The following EFNA5 variants were observed in gnomAD, a reference collection of about 807,000 sequenced individuals.
The protein encoded by EFNA5 is ephrin A5, also known as ephrin-A5.
A neutral mutation model predicts 22.9 loss-of-function variants in EFNA5; 5 were observed. The observed-to-expected ratio is 0.22, with a 90% CI of 0.11 to 0.46. The LOEUF is 0.46. Among genes scored for constraint, EFNA5 ranks in the 20% least tolerant of loss-of-function variants. The pLI, the probability that EFNA5 is intolerant of heterozygous loss-of-function variation, is 0.99. For missense variants in EFNA5, 237 were observed against 293.3 expected (o/e 0.81, Z 1.40); for synonymous variants, 113 against 112.2 (o/e 1.01, Z -0.04).
intron 4 of EFNA5, among the ~76,000 whole-genome samples, chr5:107,385,434 G>A (rs550256503): frequency 3.3e-5 from 5 of 152,286 alleles, no homozygotes; most frequent in Non-Finnish European, 5.9e-5. Flanking sequence ...TCTGCACAAT[G>A]TGTATCAAGA....
intron 1 of EFNA5, among the ~76,000 whole-genome samples, chr5:107,586,357 C>G (rs1004260564): frequency 6.6e-6 from 1 of 152,070 alleles, no homozygotes; most frequent in Non-Finnish European, 1.5e-5. Context: ...AATCTCCATC[C>G]CTAACTAGGG....
intron 1 of EFNA5, among the ~76,000 whole-genome samples, chr5:107,647,494 T>A (rs1258574416): frequency 6.6e-6 from 1 of 152,170 alleles, no homozygotes; most frequent in African/African-American, 2.4e-5. Context: ...CCTACTTTAA[T>A]GCTCATTCTG....
At chr5:107,636,207 A>T (rs1169245524) in intron 1 of EFNA5, among the ~76,000 whole-genome samples, 1 of 152,060 alleles carries the variant, frequency 6.6e-6, no homozygotes, top group Non-Finnish European at 1.5e-5. Flanking sequence ...GACTCCTAAG[A>T]CTCTCCTCAA....
intron 1 of EFNA5, among the ~76,000 whole-genome samples, chr5:107,434,671 C>A (rs1257422145): frequency 6.6e-6 from 1 of 152,166 alleles, no homozygotes; most frequent in Non-Finnish European, 1.5e-5. Flanking sequence ...AGTTTCTTCA[C>A]TCCATAAATA....
In EFNA5 at chr5:107,567,980, T is replaced by C. The variant is rs994778321; in HGVS notation, c.125+102509A>G. Among the ~76,000 whole-genome samples, 72 of 152,210 alleles carry C rather than the reference T, an allele frequency of 4.7e-4. 1 individual carries two copies. Among genetic ancestry groups the C allele is most frequent in the African/African-American group, 9.6e-5 (4 of 41,452 alleles). Reference sequence around the variant, plus strand: ...AGCTAGATCATGGCTCACTGCAGCCTCGACCTCCTGGGCTCAGATGATCTT... The same window carrying C: ...AGCTAGATCATGGCTCACTGCAGCCCCGACCTCCTGGGCTCAGATGATCTT... On this transcript the variant is annotated intron_variant, in intron 1 of 4. Transcript: ENST00000333274.
chr5:107,509,310 T>C (rs1448646793), intron 1 of EFNA5, among the ~76,000 whole-genome samples: 1 of 151,538 alleles, frequency 6.6e-6, no homozygotes, highest in African/African-American at 2.4e-5. Flanking sequence ...CAACTCTTTT[T>C]CTTTTCCTTT....
At chr5:107,625,343 A>G (rs1750121008) in intron 1 of EFNA5, among the ~76,000 whole-genome samples, 1 of 152,138 alleles carries the variant, frequency 6.6e-6, no homozygotes, top group African/African-American at 2.4e-5. Context: ...TAAGTAAGAA[A>G]GAATGATTAT....
chr5:107,420,323 T>C (rs1748619675), intron 2 of EFNA5, among the ~76,000 whole-genome samples: 1 of 152,044 alleles, frequency 6.6e-6, no homozygotes, highest in Non-Finnish European at 1.5e-5. Context: ...AGTTGTTATT[T>C]TGGCAATCAA....
At chr5:107,400,517 T>C (rs558459199) in intron 2 of EFNA5, among the ~76,000 whole-genome samples, 16 of 152,320 alleles carry the variant, frequency 1.1e-4, no homozygotes, top group Admixed American at 5.2e-4. Context: ...CTGACAGTTA[T>C]AGATTTGTTT....
intron 1 of EFNA5, among the ~76,000 whole-genome samples, chr5:107,472,588 T>C (rs1038368780): frequency 6.6e-6 from 1 of 152,196 alleles, no homozygotes; most frequent in South Asian, 2.1e-4. Flanking sequence ...TAATAAACTT[T>C]GCCCAAAGGA....
At chr5:107,417,355 A>G (rs1040702678) in intron 2 of EFNA5, among the ~76,000 whole-genome samples, 1 of 152,174 alleles carries the variant, frequency 6.6e-6, no homozygotes, top group Admixed American at 6.5e-5. Context: ...GAAGCTTTAA[A>G]CTTTAAAACC....
At chr5:107,443,282 T>C (rs1435752088) in intron 1 of EFNA5, among the ~76,000 whole-genome samples, 1 of 152,196 alleles carries the variant, frequency 6.6e-6, no homozygotes, top group African/African-American at 2.4e-5. Flanking sequence ...TCCTTTTCCA[T>C]AGATAGAACC....
chr5:107,458,630 A>C (rs1561395118), intron 1 of EFNA5, among the ~76,000 whole-genome samples: 1 of 152,272 alleles, frequency 6.6e-6, no homozygotes, highest in East Asian at 1.9e-4. Context: ...ATTATAAAAA[A>C]AAATTGTGAT....
Position 107,382,382 on chromosome 5 carries a change from A to T in EFNA5, c.566-1006T>A, listed in dbSNP as rs111451040. 2.2e-3 allele frequency among the ~76,000 whole-genome samples: 333 copies of T among 151,996 alleles called. 3 individuals are homozygous for T. The highest frequency in any genetic ancestry group is 6.8e-3 in the African/African-American group (282 of 41,428). ...TTTTAATTAAGTTAAATTAATTAAT[A>T]TTTTTTTAGAGGTAAGGTCTTGCTC... On this transcript the variant is annotated intron_variant, in intron 4 of 4. Transcript: ENST00000333274.
chr5:107,409,843 C>A (rs891946083), intron 2 of EFNA5, among the ~76,000 whole-genome samples: 1 of 152,100 alleles, frequency 6.6e-6, no homozygotes, highest in Non-Finnish European at 1.5e-5. Context: ...ATGAAGCCTA[C>A]AGCAGACTGC....
At chr5:107,637,262 C>T (rs561712444) in intron 1 of EFNA5, among the ~76,000 whole-genome samples, 1 of 152,206 alleles carries the variant, frequency 6.6e-6, no homozygotes, top group African/African-American at 2.4e-5. Flanking sequence ...ATATCTTCTC[C>T]AATCTTTAAT....
At chr5:107,407,123 T>TCAAAGCAA (rs1561372948) in intron 2 of EFNA5, among the ~76,000 whole-genome samples, 1 of 152,182 alleles carries the variant, frequency 6.6e-6, no homozygotes, top group Non-Finnish European at 1.5e-5. Flanking sequence ...AATAACTTGG[T>TCAAAGCAA]AGTTATTTTC....
chr5:107,511,810 ACC>A (rs1747375356), intron 1 of EFNA5, among the ~76,000 whole-genome samples: 8 of 152,006 alleles, frequency 5.3e-5, no homozygotes, highest in African/African-American at 1.4e-4. Flanking sequence ...CTTAAAAAAA[ACC>A]TGACTAATAA....
chr5:107,460,530 A>G (rs1749809788), intron 1 of EFNA5, among the ~76,000 whole-genome samples: 1 of 152,184 alleles, frequency 6.6e-6, no homozygotes, highest in East Asian at 1.9e-4. Context: ...CGAAAACTTG[A>G]GTGAGTAAAG....
Sources: gnomAD v4.1 joint callset for allele counts (sites outside exome capture counted in the v4.1 genomes callset) on GRCh38, gnomAD v4.1.1 for gene constraint, MANE v1.5 for transcripts, NCBI Gene and HGNC (gene_info 2026-07-23, HGNC 2026-07-21) for gene names.